NCOR1: variants seen among roughly 807,000 people sequenced by gnomAD.
NCOR1 encodes nuclear receptor corepressor 1, also known as protein phosphatase 1, regulatory subunit 109.
NCOR1 carries 63 observed loss-of-function variants against 288.1 expected under a neutral mutation model. The observed-to-expected ratio is 0.22, with a 90% CI of 0.18 to 0.27. The LOEUF is 0.27. Ranked by LOEUF, NCOR1 falls within the 10% of genes least tolerant of loss-of-function variation. NCOR1 has a pLI of 1.00. For synonymous variants in NCOR1, 1,007 were observed against 1,065.9 expected (o/e 0.94, Z 1.08); for missense variants, 2,397 against 3,019.2 (o/e 0.79, Z 4.83).
At position 16,149,283 on chromosome 17, in the gene NCOR1, G is replaced by A. The variant is rs567682097; in HGVS notation, c.909+168C>T. Among the ~76,000 whole-genome samples the A allele has an allele frequency of 7.5e-5, 9 of 119,498 alleles. No homozygotes were observed. In the East Asian group the frequency reaches 1.7e-3, roughly 22 times the overall value. 78.4% of individuals were successfully genotyped at this position (119,498 alleles called of 152,430 possible). A position where few individuals can be genotyped will look rare whatever the true frequency, so the allele number is the denominator to read the frequency against. ...TGGTATCAAAATGTTACTAGAATTA[G>A]ATTTAAGTCATATATATATATATAT... On this transcript the variant is annotated intron_variant, in intron 9 of 45. Coordinates refer to ENST00000268712, the MANE Select transcript of NCOR1 (RefSeq NM_006311.4).
chr17:16,185,061 C>T (rs1167253700), intron 3 of NCOR1, among the ~76,000 whole-genome samples: 1 of 124,178 alleles, frequency 8.1e-6, no homozygotes, highest in Non-Finnish European at 1.7e-5. Context: ...ACAGTGCTAA[C>T]AGTGGTTACC....
chr17:16,074,496 A>C (rs914798956), intron 27 of NCOR1, among the ~76,000 whole-genome samples: 6 of 152,216 alleles, frequency 3.9e-5, no homozygotes, highest in African/African-American at 1.4e-4. Context: ...GTACATTATT[A>C]ATTTCTTAAC....
intron 42 of NCOR1, among the ~76,000 whole-genome samples, chr17:16,046,469 G>A (rs567779361): frequency 6.6e-6 from 1 of 152,314 alleles, no homozygotes; most frequent in Non-Finnish European, 1.5e-5. Flanking sequence ...TGAAAGGCTA[G>A]GTTAAATGTT....
At chr17:16,125,382 A>T (rs760011718) in intron 15 of NCOR1, among the ~76,000 whole-genome samples, 7 of 151,602 alleles carry the variant, frequency 4.6e-5, no homozygotes, top group Admixed American at 2.0e-4. Context: ...TAAATAAAAT[A>T]AAATTTCAGC....
At chr17:16,068,767 G>A (rs12948361) in intron 31 of NCOR1, among the ~76,000 whole-genome samples, 64,365 of 148,596 alleles carry the variant, frequency 0.43, 15,438 homozygotes, top group Middle Eastern at 0.56. Context: ...AGGCTGGAGT[G>A]CAGTGGCGTG....
chr17:16,068,789 C>T (rs1411856743), intron 31 of NCOR1, among the ~76,000 whole-genome samples: 1 of 150,238 alleles, frequency 6.7e-6, no homozygotes, highest in South Asian at 2.1e-4. Flanking sequence ...TCTTGGCTCA[C>T]TGCAGTCTCT....
chr17:16,139,081 G>A lies in NCOR1; in HGVS notation c.1279C>T (p.Pro427Ser), dbSNP rs753983303. 3.1e-6 allele frequency: 5 copies of A among 1,612,160 alleles called. No individual in the cohort carries two copies. Among genetic ancestry groups the A allele is most frequent in the Non-Finnish European group, 4.2e-6 (5 of 1,179,074 alleles). Residue 427 changes from proline (P) to serine (S), a missense_variant, in exon 12 of 46, where the codon CCT (proline) becomes TCT (serine). Pro to Ser is a moderately conservative substitution (Grantham distance 74, BLOSUM62 -1). Transcript: ENST00000268712. ...FINMNGLMED[P>S]MKVYKDRQFM... ...TGCCTATCTTTATACACTTTCATAG[G>A]GTCCTCCATAAGCCCATTCATGTTA...
At chr17:16,073,031 A>T (rs1221102077) in intron 28 of NCOR1, among the ~76,000 whole-genome samples, 2 of 152,226 alleles carry the variant, frequency 1.3e-5, no homozygotes. Context: ...GCTGAAATTT[A>T]AATTCATGTC....
intron 14 of NCOR1, among the ~76,000 whole-genome samples, chr17:16,128,060 C>T (rs927805180): frequency 2.6e-5 from 4 of 152,028 alleles, no homozygotes; most frequent in Admixed American, 6.6e-5. Flanking sequence ...ATTACATGCA[C>T]GAGCCATTGT....
intron 15 of NCOR1, 96 bp from the exon 16 acceptor site, chr17:16,121,365 T>TA (rs1348814925): frequency 1.0e-6 from 1 of 970,794 alleles, no homozygotes; most frequent in Non-Finnish European, 1.4e-6. Flanking sequence ...AGAAATTGAA[T>TA]AAAACTACCT....
chr17:16,119,300 G>C (rs2072477640), intron 17 of NCOR1, 123 bp downstream of exon 17: 2 of 641,742 alleles, frequency 3.1e-6, no homozygotes, highest in East Asian at 5.4e-5. Flanking sequence ...TCACTTCTGA[G>C]TCCTCTTTGC....
intron 10 of NCOR1, among the ~76,000 whole-genome samples, chr17:16,145,303 C>T (rs979745474): frequency 1.3e-5 from 2 of 152,224 alleles, no homozygotes. Context: ...GAGATTGCAG[C>T]CTCTGCCCGG....
intron 3 of NCOR1, among the ~76,000 whole-genome samples, chr17:16,185,866 G>A (rs916814847): frequency 6.6e-6 from 1 of 151,790 alleles, no homozygotes; most frequent in South Asian, 2.1e-4. Flanking sequence ...GAGCCCAGGA[G>A]GTTGAGGCTG....
At chr17:16,183,763 A>T (rs976491672) in intron 3 of NCOR1, among the ~76,000 whole-genome samples, 1 of 152,186 alleles carries the variant, frequency 6.6e-6, no homozygotes, top group African/African-American at 2.4e-5. Context: ...TGGAAGTATA[A>T]AAGACCCCCA....
chr17:16,149,579 CT>C (rs1306282389), intron 8 of NCOR1, 62 bp from the exon 9 acceptor site: 12 of 730,022 alleles, frequency 1.6e-5, no homozygotes, highest in African/African-American at 3.6e-5. Context: ...AATGCATTCA[CT>C]TTTTTTCCAG....
At chr17:16,053,197 T>C (rs915620172) in intron 40 of NCOR1, among the ~76,000 whole-genome samples, 1 of 152,032 alleles carries the variant, frequency 6.6e-6, no homozygotes, top group Non-Finnish European at 1.5e-5. Flanking sequence ...TTGACCAGGG[T>C]GATCAGGCAA....
intron 9 of NCOR1, 30 bp downstream of exon 9, chr17:16,149,421 A>G: frequency 7.4e-7 from 1 of 1,345,998 alleles, no homozygotes; most frequent in Non-Finnish European, 1.0e-6. Context: ...AAAGCTGTAT[A>G]AATTTCAGTT....
intron 3 of NCOR1, among the ~76,000 whole-genome samples, chr17:16,177,296 A>C (rs754296752): frequency 5.3e-4 from 80 of 152,142 alleles, no homozygotes; most frequent in Non-Finnish European, 1.1e-3. Flanking sequence ...GAACTTATTT[A>C]TATTATTAAG....
chr17:16,032,046 A>G lies in NCOR1; in HGVS notation c.*250T>C. ...CAACTGTTCACTTTTTAAAAACTCT[A>G]CATCTCAACCCTCCACTATTATTAT... is the stretch of plus-strand genomic sequence containing the variant. On this transcript the variant is annotated 3_prime_UTR_variant, in exon 46 of 46. Coordinates refer to ENST00000268712, the MANE Select transcript of NCOR1 (RefSeq NM_006311.4). 2.2e-6 allele frequency: 1 copy of G among 447,090 alleles called. No homozygotes were observed. Among genetic ancestry groups the G allele is most frequent in the Non-Finnish European group, 3.9e-6 (1 of 254,270 alleles). The allele number at this position is 447,090 out of a possible 1,614,324, so 27.7% of individuals were successfully genotyped here.
Sources: allele counts gnomAD v4.1 joint callset (sites outside exome capture counted in the v4.1 genomes callset), GRCh38; gene constraint gnomAD v4.1.1; transcripts MANE v1.5; gene names NCBI Gene and HGNC (gene_info 2026-07-23, HGNC 2026-07-21).